The following SPSB4 variants were observed in gnomAD, a reference collection of about 807,000 sequenced individuals.
The protein encoded by SPSB4 is splA/ryanodine receptor domain and SOCS box containing 4, also known as SPRY domain-containing SOCS box protein 4.
Under a neutral mutation model 20.9 loss-of-function variants are expected in SPSB4, and 21 were observed. The ratio of observed to expected loss-of-function variants is 1.01; its 90% CI spans 0.71 to 1.45. SPSB4 has a LOEUF of 1.45. Ranked by LOEUF, SPSB4 falls within the 40% of genes most tolerant of loss-of-function variation. The probability of loss-of-function intolerance (pLI) is 0.00; values close to 1 mark genes in which losing one functional copy is unlikely to be tolerated. For synonymous variants in SPSB4, 207 were observed against 183.8 expected, an observed-to-expected ratio of 1.13 and a Z score of -1.02; for missense variants, 399 against 399.2, an observed-to-expected ratio of 1.00 and a Z score of 0.00.
At chr3:141,078,878 G>C (rs1385517932) in intron 2 of SPSB4, among the ~76,000 whole-genome samples, 4 of 152,184 alleles carry the variant, frequency 2.6e-5, no homozygotes, top group Admixed American at 6.5e-5. Context: ...CAGGGGCTGG[G>C]CTGTTCTATT....
intron 2 of SPSB4, among the ~76,000 whole-genome samples, chr3:141,085,843 T>G (rs886461451): frequency 1.3e-5 from 2 of 152,232 alleles, no homozygotes; most frequent in Admixed American, 6.5e-5. Flanking sequence ...GTGCAGCTCC[T>G]GCAAACAGAG....
At position 141,116,372 on chromosome 3, in the gene SPSB4, C is replaced by T. The variant is rs142274089; in HGVS notation, c.695-30770C>T. ...CACTAGGCAGGGTCCCTCACTCTGG[C>T]TGAGCTTGGAAAACCAGCTGGCACC... On this transcript the variant is annotated intron_variant, in intron 2 of 2. Transcript: ENST00000310546. Among the ~76,000 whole-genome samples the T allele has an allele frequency of 2.8e-4, 43 of 152,356 alleles. No individual in the cohort carries two copies. The East Asian group carries it at 8.3e-3, about 29-fold the overall frequency.
At chr3:141,080,940 G>T (rs938382082) in intron 2 of SPSB4, among the ~76,000 whole-genome samples, 7 of 152,216 alleles carry the variant, frequency 4.6e-5, no homozygotes, top group Non-Finnish European at 1.0e-4. Context: ...TGGCCCAGTG[G>T]GCTCCAGCTT....
chr3:141,065,494 C>T (rs780496767), intron 1 of SPSB4, among the ~76,000 whole-genome samples: 3 of 152,214 alleles, frequency 2.0e-5, no homozygotes, highest in Non-Finnish European at 4.4e-5. Context: ...ATCAAAAGCA[C>T]CTGGGTTCTC....
At chr3:141,073,124 GC>G (rs1220913993) in intron 2 of SPSB4, among the ~76,000 whole-genome samples, 2 of 152,138 alleles carry the variant, frequency 1.3e-5, no homozygotes, top group Non-Finnish European at 2.9e-5. Context: ...GCCCCCTCTA[GC>G]TAATTAACAT....
chr3:141,062,133 G>A (rs570988941), intron 1 of SPSB4, among the ~76,000 whole-genome samples: 16 of 152,320 alleles, frequency 1.1e-4, no homozygotes, highest in South Asian at 2.1e-4. Flanking sequence ...TGGTTTCTCA[G>A]ACTTTGGTTC....
intron 2 of SPSB4, chr3:141,132,124 C>A: frequency 2.7e-6 from 1 of 367,526 alleles, no homozygotes; most frequent in Non-Finnish European, 5.3e-6. Context: ...TTTTATCCCT[C>A]AACCCCCTCC....
intron 2 of SPSB4, among the ~76,000 whole-genome samples, chr3:141,102,802 T>C (rs2107795711): frequency 6.6e-6 from 1 of 152,274 alleles, no homozygotes; most frequent in African/African-American, 2.4e-5. Flanking sequence ...CCCTTTGAGA[T>C]GCCTGGAGGT....
At chr3:141,119,420 A>G (rs1325841351) in intron 2 of SPSB4, among the ~76,000 whole-genome samples, 1 of 152,212 alleles carries the variant, frequency 6.6e-6, no homozygotes, top group Admixed American at 6.5e-5. Flanking sequence ...CACATGTACA[A>G]TCATGTCTTC....
In SPSB4 at chr3:141,147,386, A is replaced by C. The variant is rs546073101; in HGVS notation, c.*117A>C. 1 of 1,508,458 alleles carries C rather than the reference A, an allele frequency of 6.6e-7. No homozygotes were observed. Among genetic ancestry groups the C allele is most frequent in the Non-Finnish European group, 8.9e-7 (1 of 1,119,552 alleles). 93.4% of individuals were successfully genotyped at this position (1,508,458 alleles called of 1,614,324 possible). The stretch of plus-strand genomic sequence containing the variant: ...TCTACCCTTCTCCTGGCTCCCCAGG[A>C]CACTCAGTTCTTTCAAAGACCAGGA... On this transcript the variant is annotated 3_prime_UTR_variant, in exon 3 of 3. Coordinates refer to ENST00000310546, the MANE Select transcript of SPSB4 (RefSeq NM_080862.3).
At chr3:141,081,985 G>C (rs1385152711) in intron 2 of SPSB4, among the ~76,000 whole-genome samples, 1 of 152,130 alleles carries the variant, frequency 6.6e-6, no homozygotes. Flanking sequence ...TAGAGAAGGA[G>C]ACCAGCCATG....
intron 2 of SPSB4, among the ~76,000 whole-genome samples, chr3:141,113,862 A>G (rs1047321346): frequency 1.3e-4 from 20 of 152,250 alleles, no homozygotes; most frequent in African/African-American, 4.8e-4. Context: ...TTGGGAGGCC[A>G]AGGCGGGCAG....
At chr3:141,060,289 A>G (rs1447663070) in intron 1 of SPSB4, among the ~76,000 whole-genome samples, 1 of 152,190 alleles carries the variant, frequency 6.6e-6, no homozygotes, top group Non-Finnish European at 1.5e-5. Flanking sequence ...GTGTCTTTTC[A>G]GCAACAGCAA....
intron 2 of SPSB4, among the ~76,000 whole-genome samples, chr3:141,134,425 C>T (rs1457339995): frequency 6.6e-6 from 1 of 152,040 alleles, no homozygotes; most frequent in Non-Finnish European, 1.5e-5. Flanking sequence ...TCAACTTTTC[C>T]CCATTCAGTA....
intron 2 of SPSB4, among the ~76,000 whole-genome samples, chr3:141,136,256 T>C (rs1261357552): frequency 6.6e-6 from 1 of 152,162 alleles, no homozygotes; most frequent in African/African-American, 2.4e-5. Context: ...GTCAGATGAG[T>C]AGGTTCCAAA....
chr3:141,100,628 G>A (rs890118000), intron 2 of SPSB4, among the ~76,000 whole-genome samples: 9 of 152,180 alleles, frequency 5.9e-5, no homozygotes, highest in Non-Finnish European at 8.8e-5. Context: ...ACTTTGTTAC[G>A]GCAGCCCCAG....
At chr3:141,128,281 C>T (rs375848278) in intron 2 of SPSB4, among the ~76,000 whole-genome samples, 48 of 152,110 alleles carry the variant, frequency 3.2e-4, no homozygotes, top group African/African-American at 1.0e-3. Context: ...GAATCAGGAG[C>T]CTGAGTGATG....
At chr3:141,132,723 C>T (rs1056085439) in intron 2 of SPSB4, among the ~76,000 whole-genome samples, 24 of 151,640 alleles carry the variant, frequency 1.6e-4, no homozygotes, top group Admixed American at 1.1e-3. Context: ...AGGCTGTTTC[C>T]ATAATTTTAT....
intron 2 of SPSB4, among the ~76,000 whole-genome samples, chr3:141,087,504 G>T (rs977411366): frequency 6.6e-6 from 1 of 152,330 alleles, no homozygotes; most frequent in East Asian, 1.9e-4. Context: ...TGTGCTGGGG[G>T]AGCCCCCAGT....
Sources: gnomAD v4.1 joint callset for allele counts (sites outside exome capture counted in the v4.1 genomes callset) on GRCh38, gnomAD v4.1.1 for gene constraint, MANE v1.5 for transcripts, NCBI Gene and HGNC (gene_info 2026-07-23, HGNC 2026-07-21) for gene names.